Variants in SELENBP1 observed in about 807,000 individuals in gnomAD.
SELENBP1 encodes methanethiol oxidase.
A neutral mutation model predicts 61.0 loss-of-function variants in SELENBP1; 71 were observed. That is an observed-to-expected ratio of 1.16 (90% CI 0.96 to 1.42). The LOEUF (loss-of-function observed/expected upper bound fraction) is 1.42, where lower values mean the gene tolerates loss of function less well. Among genes scored for constraint, SELENBP1 ranks in the 40% most tolerant of loss-of-function variants. The pLI, the probability that SELENBP1 is intolerant of heterozygous loss-of-function variation, is 0.00. For synonymous variants in SELENBP1, 270 were observed against 238.9 expected, an observed-to-expected ratio of 1.13 and a Z score of -1.20; for missense variants, 561 against 605.0, an observed-to-expected ratio of 0.93 and a Z score of 0.76.
At position 151,369,487 on chromosome 1, in the gene SELENBP1, A is replaced by T; in HGVS notation, c.129T>A (p.Tyr43Ter). The T allele has an allele frequency of 6.2e-7, 1 of 1,613,172 alleles. No individual in the cohort carries two copies. The highest frequency in any genetic ancestry group is 1.7e-5 in the Admixed American group (1 of 59,834). ...TGGGGTCAACATCCACAGTGGCCAG[A>T]TAATCTGGGGCCTCAGTGCCTGTGT... Reference protein sequence around the residue: ...YRNTGTEAPDYLATVDVDPKS... With the variant: ...YRNTGTEAPD Residue 43 changes from tyrosine to a stop codon, truncating the protein, a stop_gained, in exon 3 of 12, where the codon TAT (tyrosine) becomes TAA (stop). Transcript: ENST00000368868. LOFTEE classifies it high-confidence loss of function.
At chr1:151,366,535 C>A in intron 6 of SELENBP1, 82 bp from the exon 7 acceptor site, 1 of 1,512,566 alleles carries the variant, frequency 6.6e-7, no homozygotes, top group Non-Finnish European at 9.0e-7. Context: ...CCAATCAGGG[C>A]AGAAGGTTAA....
chr1:151,369,197 G>T lies in SELENBP1; in HGVS notation c.175-8C>A, dbSNP rs775246767. 11 of 1,604,466 alleles carry T rather than the reference G, an allele frequency of 6.9e-6. No individual in the cohort carries two copies. The African/African-American group carries it at 1.5e-4, about 21-fold the overall frequency. ...GGGCAGCCGGTGGATGACCTAGGAT[G>T]CGGGGAGAGGTGGTGCTCCCCCAGG... On this transcript the variant is annotated splice_polypyrimidine_tract_variant and splice_region_variant and intron_variant, in intron 3 of 11. Coordinates refer to ENST00000368868, the MANE Select transcript of SELENBP1 (RefSeq NM_003944.4).
intron 11 of SELENBP1, 39 bp from the exon 12 acceptor site, chr1:151,364,744 G>A: frequency 1.3e-6 from 2 of 1,542,254 alleles, no homozygotes; most frequent in East Asian, 2.3e-5. Flanking sequence ...GAGGTCAGAG[G>A]TGGCTGCCCC....
At chr1:151,369,289 G>C in intron 3 of SELENBP1, 100 bp from the exon 4 acceptor site, 1 of 1,495,206 alleles carries the variant, frequency 6.7e-7, no homozygotes, top group Middle Eastern at 2.3e-4. Flanking sequence ...GCACGGCACA[G>C]GCTGGATTTC....
chr1:151,369,382 A>T, intron 3 of SELENBP1, 60 bp downstream of exon 3: 1 of 1,513,220 alleles, frequency 6.6e-7, no homozygotes, highest in Non-Finnish European at 9.1e-7. Flanking sequence ...GGGGGGGCCC[A>T]GGGCCAGGGA....
chr1:151,371,592 C>T (rs1052192085), intron 1 of SELENBP1, among the ~76,000 whole-genome samples: 4 of 151,752 alleles, frequency 2.6e-5, no homozygotes, highest in Admixed American at 2.0e-4. Flanking sequence ...CTTGCTAAGT[C>T]GGGGCTTGGC....
At chr1:151,372,495 G>T in intron 1 of SELENBP1, 143 bp downstream of exon 1, 1 of 1,023,652 alleles carries the variant, frequency 9.8e-7, no homozygotes, top group Non-Finnish European at 1.5e-6. Context: ...GGGAGGGGGT[G>T]TGCAGACTGG....
chr1:151,368,972 G>A lies in SELENBP1; in HGVS notation c.360+32C>T. 3.8e-6 allele frequency: 6 copies of A among 1,582,290 alleles called. 1 individual carries two copies. In the South Asian group the frequency reaches 4.5e-5, roughly 12 times the overall value. ...TACCTGGGGTGGCAGGTGTCTTATGGTCTACTGAGCTGGCAAGGGCAGAGG... is the reference window on the plus strand; with the variant it reads ...TACCTGGGGTGGCAGGTGTCTTATGATCTACTGAGCTGGCAAGGGCAGAGG... On this transcript the variant is annotated intron_variant, in intron 4 of 11. Transcript: ENST00000368868.
intron 4 of SELENBP1, 92 bp downstream of exon 4, chr1:151,368,912 G>T (rs998237951): frequency 3.7e-6 from 5 of 1,341,422 alleles, no homozygotes; most frequent in East Asian, 4.6e-5. Context: ...AGAGCTGGAG[G>T]CTGCTGGTTT....
At chr1:151,368,863 T>C in intron 4 of SELENBP1, 141 bp downstream of exon 4, 1 of 846,118 alleles carries the variant, frequency 1.2e-6, no homozygotes, top group South Asian at 1.7e-5. Flanking sequence ...TGCTCTGAGG[T>C]CCAACCTCCC....
Position 151,366,850 on chromosome 1 carries a change from C to T in SELENBP1, c.536G>A (p.Arg179Lys). ...ETFEVKGTWE[R>K]PGGAAPLGYD... ...GCCCAACGGTGCAGCACCCCCAGGT[C>T]TCTCCCATGTCCCCTTCACCTCGAA... Residue 179 changes from arginine (R) to lysine (K), a missense_variant, in exon 6 of 12, where the codon AGA becomes AAA. Physicochemically the swap from Arg to Lys is conservative, Grantham distance 26. Transcript: ENST00000368868. 2 of 1,614,176 alleles carry T rather than the reference C, an allele frequency of 1.2e-6. No homozygotes were observed. Among genetic ancestry groups the T allele is most frequent in the Non-Finnish European group, 1.7e-6 (2 of 1,180,030 alleles).
In SELENBP1 at chr1:151,364,613, G is replaced by A. The variant is rs1651698230; in HGVS notation, c.1349C>T (p.Pro450Leu). 2 of 1,613,686 alleles carry A rather than the reference G, an allele frequency of 1.2e-6. No homozygotes were observed. The highest frequency in any genetic ancestry group is 1.7e-6 in the Non-Finnish European group (2 of 1,179,866). ...PNFLVDFGKE[P>L]LGPALAHELR... ...CTCATGGGCAAGGGCTGGGCCAAGG[G>A]GCTCCTTCCCGAAGTCCACCAGGAA... The change falls in exon 12 of 12, where the codon CCC becomes CTC. Residue 450 changes from proline to leucine, a missense_variant. Coordinates refer to ENST00000368868, the MANE Select transcript of SELENBP1 (RefSeq NM_003944.4).
At chr1:151,372,526 C>T in intron 1 of SELENBP1, 112 bp downstream of exon 1, 1 of 1,371,316 alleles carries the variant, frequency 7.3e-7, no homozygotes. Context: ...GCAGAGTCCA[C>T]TACTCCCTCC....
At chr1:151,367,863 C>A (rs1354992969) in intron 5 of SELENBP1, among the ~76,000 whole-genome samples, 3 of 152,170 alleles carry the variant, frequency 2.0e-5, no homozygotes, top group African/African-American at 7.2e-5. Context: ...GATGGGGTTT[C>A]ACCATGTTGG....
At position 151,365,606 on chromosome 1, in the gene SELENBP1, T is replaced by G. The variant is rs1180106487; in HGVS notation, c.1001A>C (p.Gln334Pro). The change falls in exon 9 of 12, where the codon CAG (glutamine) becomes CCG (proline). Residue 334 changes from glutamine to proline, a missense_variant. Coordinates refer to ENST00000368868, the MANE Select transcript of SELENBP1 (RefSeq NM_003944.4). ...FSNWLHGDLR[Q>P]YDISDPQRPR... ...TCTCTGTGGGTCAGAGATGTCATAC[T>G]GCCTCAGGTCCCCATGCAGCCAGTT... is the stretch of plus-strand genomic sequence containing the variant. 4.3e-6 allele frequency: 7 copies of G among 1,614,074 alleles called. No homozygotes were observed. The highest frequency in any genetic ancestry group is 1.7e-5 in the Admixed American group (1 of 60,006).
chr1:151,364,571 C>T lies in SELENBP1; in HGVS notation c.1391G>A (p.Gly464Asp). The T allele has an allele frequency of 6.2e-7, 1 of 1,614,068 alleles. No homozygotes were observed. The highest frequency in any genetic ancestry group is 8.5e-7 in the Non-Finnish European group (1 of 1,179,988). ...ALAHELRYPG[G>D]DCSSDIWI ...AATCCAGATGTCAGAGCTACAATCG[C>T]CCCCAGGGTAGCGGAGCTCATGGGC... Residue 464 changes from glycine to aspartate, a missense_variant, in exon 12 of 12, where the codon GGC becomes GAC. Physicochemically the swap from Gly to Asp is moderately conservative, Grantham distance 94. Coordinates refer to ENST00000368868, the MANE Select transcript of SELENBP1 (RefSeq NM_003944.4).
Position 151,364,987 on chromosome 1 carries a change from G to C in SELENBP1, c.1195C>G (p.Leu399Val). 1.2e-6 allele frequency: 2 copies of C among 1,613,510 alleles called. No homozygotes were observed. Among genetic ancestry groups the C allele is most frequent in the Non-Finnish European group, 1.7e-6 (2 of 1,179,852 alleles). ...CTGTACAGCGACGTGGTGATGTAGA[G>C]GCGCTTCCCATCCAGGCTGAGCTGG... is the stretch of plus-strand genomic sequence containing the variant. ...MIQLSLDGKR[L>V]YITTSLYSAW... The change falls in exon 11 of 12, where the codon CTC becomes GTC. Residue 399 changes from leucine (L) to valine (V), a missense_variant. Transcript: ENST00000368868.
Position 151,369,379 on chromosome 1 carries a change from C to T in SELENBP1, c.174+63G>A, listed in dbSNP as rs1423375020. Reference sequence around the variant, plus strand: ...GAAGGATGGAGCTGGGAAGGGGGGGCCCAGGGCCAGGGATGAGGGCAGCTA... The same window carrying T: ...GAAGGATGGAGCTGGGAAGGGGGGGTCCAGGGCCAGGGATGAGGGCAGCTA... On this transcript the variant is annotated intron_variant, in intron 3 of 11. Transcript: ENST00000368868. The T allele has an allele frequency of 1.5e-5, 23 of 1,504,646 alleles. No homozygotes were observed. In the East Asian group the frequency reaches 4.2e-4, roughly 27 times the overall value. 93.2% of individuals were successfully genotyped at this position (1,504,646 alleles called of 1,614,324 possible).
In SELENBP1 at chr1:151,364,395, T is replaced by C. The variant is rs1016070563; in HGVS notation, c.*148A>G. On this transcript the variant is annotated 3_prime_UTR_variant, in exon 12 of 12. Coordinates refer to ENST00000368868, the MANE Select transcript of SELENBP1 (RefSeq NM_003944.4). ...GCAACAAGCAACAGTGGTCAGTAAA[T>C]GTATATGACTCAACACATTGCCACA... 2 of 905,318 alleles carry C rather than the reference T, an allele frequency of 2.2e-6. No individual in the cohort carries two copies. Among genetic ancestry groups the C allele is most frequent in the South Asian group, 3.2e-5 (2 of 62,268 alleles). The allele number at this position is 905,318 out of a possible 1,614,324, so 56.1% of individuals were successfully genotyped here.
Sources: gnomAD v4.1 joint callset for allele counts (sites outside exome capture counted in the v4.1 genomes callset) on GRCh38, gnomAD v4.1.1 for gene constraint, MANE v1.5 for transcripts, NCBI Gene and HGNC (gene_info 2026-07-23, HGNC 2026-07-21) for gene names.